The following FBXO47 variants were observed in gnomAD, a reference collection of about 807,000 sequenced individuals.
The protein encoded by FBXO47 is F-box only protein 47.
A neutral mutation model predicts 53.9 loss-of-function variants in FBXO47; 34 were observed. That is an observed-to-expected ratio of 0.63 (90% CI 0.48 to 0.84). FBXO47 has a LOEUF of 0.84. Ranked by LOEUF, FBXO47 falls within the 40% of genes least tolerant of loss-of-function variation. The pLI is 0.00. For synonymous variants in FBXO47, 165 were observed against 181.6 expected (o/e 0.91, Z 0.73); for missense variants, 485 against 541.3 (o/e 0.90, Z 1.03).
intron 1 of FBXO47, among the ~76,000 whole-genome samples, chr17:38,966,337 G>T (rs2143982650): frequency 6.6e-6 from 1 of 152,254 alleles, no homozygotes; most frequent in East Asian, 1.9e-4. Flanking sequence ...TAGTAGCTGG[G>T]ATTACAGGTG....
rs79483739 is a variant in FBXO47, at chr17:38,940,742, C to A, written c.1084-2010G>T. 1.1e-3 allele frequency among the ~76,000 whole-genome samples: 166 copies of A among 152,024 alleles called. 2 individuals are homozygous for A. The East Asian group carries it at 0.03, about 27-fold the overall frequency. On this transcript the variant is annotated intron_variant, in intron 9 of 10. Coordinates refer to ENST00000378079, the MANE Select transcript of FBXO47 (RefSeq NM_001008777.3). ...GCAGACTGAAGTGCAGTGGCGTGAC[C>A]ATAGCTCACTGCAGCTTCAAACTCC...
intron 1 of FBXO47, among the ~76,000 whole-genome samples, chr17:38,966,983 C>A (rs991988113): frequency 2.0e-5 from 3 of 151,780 alleles, no homozygotes; most frequent in African/African-American, 7.3e-5. Context: ...CCCCGCCCCC[C>A]ACACCTTTAA....
At chr17:38,967,178 GAAAGAT>G (rs1214133398) in intron 1 of FBXO47, 45 bp downstream of exon 1, 1 of 152,022 alleles carries the variant, frequency 6.6e-6, no homozygotes, top group African/African-American at 2.4e-5. Context: ...TTCAGTCCAT[GAAAGAT>G]GAAATTATCG....
At chr17:38,950,536 G>A (rs556792262) in intron 6 of FBXO47, among the ~76,000 whole-genome samples, 1 of 148,354 alleles carries the variant, frequency 6.7e-6, no homozygotes, top group African/African-American at 2.5e-5. Flanking sequence ...CTAGGCTCAA[G>A]TAATCCTCCC....
At chr17:38,938,817 T>C (rs1369217763) in intron 9 of FBXO47, 85 bp from the exon 10 acceptor site, 1 of 1,113,092 alleles carries the variant, frequency 9.0e-7, no homozygotes, top group Non-Finnish European at 1.3e-6. Flanking sequence ...TGAATAATTA[T>C]AGTTTGTGAT....
chr17:38,942,951 G>T, intron 8 of FBXO47, 31 bp from the exon 9 acceptor site: 1 of 1,570,484 alleles, frequency 6.4e-7, no homozygotes, highest in Non-Finnish European at 8.7e-7. Flanking sequence ...ATTATTTAAT[G>T]AGAAATCACA....
intron 5 of FBXO47, among the ~76,000 whole-genome samples, chr17:38,954,523 C>T (rs548555304): frequency 4.6e-5 from 7 of 152,146 alleles, no homozygotes; most frequent in Non-Finnish European, 8.8e-5. Context: ...TACAGATACA[C>T]GCATGCACAC....
At chr17:38,952,468 G>A (rs1027589969) in intron 5 of FBXO47, among the ~76,000 whole-genome samples, 1 of 151,488 alleles carries the variant, frequency 6.6e-6, no homozygotes, top group Non-Finnish European at 1.5e-5. Flanking sequence ...AACTTGGGAA[G>A]CTCCAAAATC....
rs1567717747 is a variant in FBXO47, at chr17:38,947,107, C to CATATATATAAAT, written c.617-1972_617-1971insATTTATATATAT. Among the ~76,000 whole-genome samples the CATATATATAAAT allele has an allele frequency of 2.3e-3, 211 of 90,310 alleles. 1 individual carries two copies. The highest frequency in any genetic ancestry group is 6.9e-3 in the African/African-American group (205 of 29,812). The allele number at this position is 90,310 out of a possible 152,430, so 59.2% of individuals were successfully genotyped here. On this transcript the variant is annotated intron_variant, in intron 6 of 10. Coordinates refer to ENST00000378079, the MANE Select transcript of FBXO47 (RefSeq NM_001008777.3). ...ACATATATATAAACATATATATAAA[C>CATATATATAAAT]ATATATATATAAACATATATATAAA...
At chr17:38,953,536 A>G (rs1905408775) in intron 5 of FBXO47, among the ~76,000 whole-genome samples, 1 of 151,898 alleles carries the variant, frequency 6.6e-6, no homozygotes, top group Non-Finnish European at 1.5e-5. Flanking sequence ...GAGGCAGGAG[A>G]ATTGCTTGAA....
intron 9 of FBXO47, 112 bp downstream of exon 9, chr17:38,942,666 A>G (rs960547052): frequency 1.5e-6 from 1 of 675,972 alleles, no homozygotes; most frequent in African/African-American, 1.8e-5. Flanking sequence ...ATATACTTCA[A>G]TACTCATTTT....
intron 1 of FBXO47, among the ~76,000 whole-genome samples, chr17:38,963,440 G>A (rs752590096): frequency 5.5e-4 from 84 of 152,068 alleles, no homozygotes; most frequent in Non-Finnish European, 1.6e-4. Flanking sequence ...GCCTCCCAAA[G>A]TGCTGGGATT....
At chr17:38,951,459 G>T in intron 6 of FBXO47, 122 bp downstream of exon 6, 2 of 656,790 alleles carry the variant, frequency 3.0e-6, no homozygotes, top group Admixed American at 3.1e-5. Flanking sequence ...TTCCCAAAGT[G>T]CTGGGATTTT....
At chr17:38,958,201 C>T (rs989067321) in intron 3 of FBXO47, among the ~76,000 whole-genome samples, 4 of 151,972 alleles carry the variant, frequency 2.6e-5, no homozygotes, top group Admixed American at 1.3e-4. Flanking sequence ...AGGCTGGTCT[C>T]GAATTCCTGG....
intron 2 of FBXO47, among the ~76,000 whole-genome samples, chr17:38,962,479 G>A (rs1905858505): frequency 6.6e-6 from 1 of 152,022 alleles, no homozygotes; most frequent in East Asian, 1.9e-4. Flanking sequence ...GCCTGGCATG[G>A]TGGCGCATGC....
intron 6 of FBXO47, among the ~76,000 whole-genome samples, chr17:38,947,039 TAAATATATAA>T (rs1904963675): frequency 7.6e-6 from 1 of 130,776 alleles, no homozygotes; most frequent in Non-Finnish European, 1.5e-5. Flanking sequence ...CAAATATATG[TAAATATATAA>T]AAACATATAT....
chr17:38,955,169 C>T (rs566798189), intron 4 of FBXO47, among the ~76,000 whole-genome samples: 3 of 151,998 alleles, frequency 2.0e-5, no homozygotes, highest in Non-Finnish European at 2.9e-5. Context: ...GGGCAGATCA[C>T]GAGGTCAGGA....
intron 9 of FBXO47, among the ~76,000 whole-genome samples, chr17:38,940,272 A>T (rs1904449390): frequency 6.6e-6 from 1 of 151,922 alleles, no homozygotes; most frequent in Non-Finnish European, 1.5e-5. Context: ...TAATTCAGAG[A>T]ACTTTAATGA....
chr17:38,961,588 T>C (rs1905816559), intron 3 of FBXO47, among the ~76,000 whole-genome samples: 1 of 152,212 alleles, frequency 6.6e-6, no homozygotes, highest in South Asian at 2.1e-4. Context: ...AAGTGACGCA[T>C]AGAAAATACA....
Sources: gnomAD v4.1 joint callset for allele counts (sites outside exome capture counted in the v4.1 genomes callset) on GRCh38, gnomAD v4.1.1 for gene constraint, MANE v1.5 for transcripts, NCBI Gene and HGNC (gene_info 2026-07-23, HGNC 2026-07-21) for gene names.